The following PDE10A variants were observed in gnomAD, a reference collection of about 807,000 sequenced individuals.
The protein encoded by PDE10A is phosphodiesterase 10A.
Under a neutral mutation model 97.7 loss-of-function variants are expected in PDE10A, and 39 were observed. The observed-to-expected ratio is 0.40, with a 90% confidence interval of 0.31 to 0.52. The LOEUF (loss-of-function observed/expected upper bound fraction) is 0.52. Among genes scored for constraint, PDE10A ranks in the 20% least tolerant of loss-of-function variants. The probability of loss-of-function intolerance (pLI) is 0.56; values close to 1 mark genes in which losing one functional copy is unlikely to be tolerated. For missense variants in PDE10A, 731 were observed against 1,047.8 expected (o/e 0.70, Z 4.17); for synonymous variants, 371 against 376.8 (o/e 0.98, Z 0.18).
intron 3 of PDE10A, among the ~76,000 whole-genome samples, chr6:165,472,958 C>T (rs752091143): frequency 2.0e-4 from 30 of 152,236 alleles, no homozygotes; most frequent in Non-Finnish European, 4.3e-4. Context: ...AAGTCATGTC[C>T]TTTGACCTAG....
intron 18 of PDE10A, 63 bp downstream of exon 18, chr6:165,379,129 CTT>C: frequency 9.1e-7 from 1 of 1,104,106 alleles, no homozygotes; most frequent in Non-Finnish European, 1.3e-6. Context: ...CATTACATTT[CTT>C]AAGTATCAAT....
intron 1 of PDE10A, among the ~76,000 whole-genome samples, chr6:165,603,505 T>C (rs1787065540): frequency 1.3e-5 from 2 of 152,254 alleles, no homozygotes; most frequent in Admixed American, 1.3e-4. Flanking sequence ...AAAAGGCTTC[T>C]GAGTAACAGA....
chr6:165,905,080 T>C (rs1245685952), intron 1 of PDE10A, among the ~76,000 whole-genome samples: 2 of 152,160 alleles, frequency 1.3e-5, no homozygotes, highest in African/African-American at 4.8e-5. Context: ...ACATCACCAC[T>C]CTCCAGTCTC....
At chr6:165,939,261 T>A (rs1238648062) in intron 1 of PDE10A, among the ~76,000 whole-genome samples, 2 of 152,206 alleles carry the variant, frequency 1.3e-5, no homozygotes, top group African/African-American at 4.8e-5. Flanking sequence ...CAAGTGCAGA[T>A]GGTGAAATTG....
intron 1 of PDE10A, among the ~76,000 whole-genome samples, chr6:165,921,785 G>A (rs1020712695): frequency 1.3e-5 from 2 of 152,178 alleles, no homozygotes; most frequent in African/African-American, 4.8e-5. Flanking sequence ...GGTGCAGAAG[G>A]GCAGGGCTAC....
At chr6:165,629,541 T>A (rs375150021) in intron 1 of PDE10A, among the ~76,000 whole-genome samples, 121 of 88,168 alleles carry the variant, frequency 1.4e-3, no homozygotes, top group South Asian at 2.6e-3. Context: ...TTTTTTTTTT[T>A]TTAAAACAGG....
chr6:165,610,337 A>T (rs972893771), intron 1 of PDE10A, among the ~76,000 whole-genome samples: 25 of 152,058 alleles, frequency 1.6e-4, no homozygotes, highest in African/African-American at 5.8e-4. Flanking sequence ...AGGTCAGGAG[A>T]TCGAGACCAT....
chr6:165,902,550 C>T (rs9365937), intron 1 of PDE10A, among the ~76,000 whole-genome samples: 22,990 of 152,142 alleles, frequency 0.15, 1,955 homozygotes, highest in East Asian at 0.27. Flanking sequence ...TGGCTCTCTT[C>T]GGCATTCCTT....
chr6:165,368,387 G>A (rs1015757316), intron 18 of PDE10A, among the ~76,000 whole-genome samples: 12 of 152,016 alleles, frequency 7.9e-5, no homozygotes, highest in African/African-American at 2.9e-4. Flanking sequence ...AGCAATAATA[G>A]CTACATATAT....
chr6:165,974,654 G>T (rs775198711), intron 1 of PDE10A, among the ~76,000 whole-genome samples: 1 of 152,214 alleles, frequency 6.6e-6, no homozygotes, highest in Non-Finnish European at 1.5e-5. Context: ...AGTTGATAGC[G>T]CATTGCACAT....
intron 13 of PDE10A, among the ~76,000 whole-genome samples, chr6:165,398,379 G>A (rs1786345802): frequency 6.6e-6 from 1 of 152,030 alleles, no homozygotes. Context: ...TACTGGGGAG[G>A]CTGAGGCATG....
intron 17 of PDE10A, among the ~76,000 whole-genome samples, chr6:165,381,893 A>C (rs1326776856): frequency 6.6e-6 from 1 of 152,102 alleles, no homozygotes; most frequent in East Asian, 1.9e-4. Context: ...ATCTTCTTTA[A>C]ACCTCCAACC....
chr6:165,632,064 G>C (rs566557485), intron 1 of PDE10A, among the ~76,000 whole-genome samples: 1 of 152,026 alleles, frequency 6.6e-6, no homozygotes, highest in Admixed American at 6.6e-5. Flanking sequence ...GCCAGGCATG[G>C]TGGCACATGC....
intron 1 of PDE10A, among the ~76,000 whole-genome samples, chr6:165,742,303 T>C (rs1349541622): frequency 6.6e-6 from 1 of 152,164 alleles, no homozygotes; most frequent in Non-Finnish European, 1.5e-5. Flanking sequence ...TTAACATCTA[T>C]CAAGTGCTCT....
chr6:165,535,876 T>C lies in PDE10A; in HGVS notation c.994+7564A>G, dbSNP rs150283455. ...ATGGATTGGAAGAATAATCATGTACTATTAAAATGTCCATACTACCCAAAG... is the reference window on the plus strand; with the variant it reads ...ATGGATTGGAAGAATAATCATGTACCATTAAAATGTCCATACTACCCAAAG... On this transcript the variant is annotated intron_variant, in intron 2 of 21. Coordinates refer to ENST00000539869, the MANE Select transcript of PDE10A (RefSeq NM_001385079.1). Among the ~76,000 whole-genome samples the C allele has an allele frequency of 1.6e-3, 246 of 152,098 alleles. 1 individual carries two copies. The highest frequency in any genetic ancestry group is 5.8e-3 in the African/African-American group (239 of 41,562).
intron 1 of PDE10A, among the ~76,000 whole-genome samples, chr6:165,779,512 G>A (rs879557963): frequency 1.3e-5 from 2 of 152,134 alleles, no homozygotes; most frequent in African/African-American, 2.4e-5. Context: ...CCAAGCGGCC[G>A]TACTCTGCTG....
At chr6:165,589,186 G>A (rs888225819) in intron 1 of PDE10A, among the ~76,000 whole-genome samples, 1 of 152,170 alleles carries the variant, frequency 6.6e-6, no homozygotes, top group African/African-American at 2.4e-5. Context: ...CCTTTAGATA[G>A]TTTCCAATTC....
chr6:165,341,291 A>T (rs1276468949), intron 19 of PDE10A, among the ~76,000 whole-genome samples: 1 of 152,206 alleles, frequency 6.6e-6, no homozygotes, highest in Non-Finnish European at 1.5e-5. Flanking sequence ...TGAATAATAT[A>T]AAGGAAAAAC....
At chr6:165,660,050 C>G (rs1417519580) in intron 1 of PDE10A, 1 of 152,256 alleles carries the variant, frequency 6.6e-6, no homozygotes, top group Non-Finnish European at 1.5e-5. Context: ...CAACCCCTTC[C>G]CCAAATCAAA....
Sources: gnomAD v4.1 joint callset for allele counts (sites outside exome capture counted in the v4.1 genomes callset) on GRCh38, gnomAD v4.1.1 for gene constraint, MANE v1.5 for transcripts, NCBI Gene and HGNC (gene_info 2026-07-23, HGNC 2026-07-21) for gene names.